The following DSG2 variants were observed in gnomAD, a reference collection of about 807,000 sequenced individuals.
DSG2 encodes desmoglein-2.
DSG2 carries 45 observed loss-of-function variants against 75.6 expected under a neutral mutation model. That is an observed-to-expected ratio of 0.60 (90% CI 0.47 to 0.76). DSG2 has a LOEUF of 0.76. DSG2 is among the 30% of genes least tolerant of loss of function. The probability of loss-of-function intolerance (pLI) is 0.00; values close to 1 mark genes in which losing one functional copy is unlikely to be tolerated. For missense variants in DSG2, 1,267 were observed against 1,357.4 expected, an observed-to-expected ratio of 0.93 and a Z score of 1.05; for synonymous variants, 429 against 483.9, an observed-to-expected ratio of 0.89 and a Z score of 1.49.
chr18:31,538,475 G>A (rs927450147), intron 11 of DSG2, among the ~76,000 whole-genome samples: 2 of 152,134 alleles, frequency 1.3e-5, no homozygotes, highest in Non-Finnish European at 2.9e-5. Context: ...TATTCCCAGT[G>A]TATAGAACAG....
rs1252426323 is a variant in DSG2, at chr18:31,546,371, TG to T, written c.2990del (p.Gly997ValfsTer20). On this transcript the variant is annotated frameshift_variant, in exon 15 of 15. Coordinates refer to ENST00000261590, the MANE Select transcript of DSG2 (RefSeq NM_001943.5). LOFTEE classifies it low-confidence loss of function (END_TRUNC). Reference protein sequence around the residue: ...VVTERVIQPHGGGSNPLEGTQ... With the variant: ...VVTERVIQPHXGGSNPLEGTQ... ...TCACTGAAAGAGTAATACAGCCTCA[TG>T]GGGGTGGATCGAATCCTCTGGAAGG... 1.2e-6 allele frequency: 2 copies of T among 1,614,030 alleles called. No individual in the cohort carries two copies. Among genetic ancestry groups the T allele is most frequent in the Non-Finnish European group, 1.7e-6 (2 of 1,179,956 alleles).
intron 9 of DSG2, among the ~76,000 whole-genome samples, chr18:31,532,567 G>T (rs1445945704): frequency 6.6e-6 from 1 of 152,068 alleles, no homozygotes; most frequent in Non-Finnish European, 1.5e-5. Context: ...TTAGTGAATC[G>T]CCTTTTCATG....
At chr18:31,542,956 T>C (rs2073279650) in intron 14 of DSG2, 104 bp downstream of exon 14, 2 of 919,766 alleles carry the variant, frequency 2.2e-6, no homozygotes, top group Non-Finnish European at 3.0e-6. Flanking sequence ...AATGAGACTT[T>C]GGGTTTTTTT....
rs760564415 is a variant in DSG2 at position 31,536,387 on chromosome 18, C to G, written c.1609C>G (p.Pro537Ala). Residue 537 changes from proline (P) to alanine (A), a missense_variant, in exon 11 of 15, where the codon CCA becomes GCA. Pro to Ala is a conservative substitution (Grantham distance 27). Coordinates refer to ENST00000261590, the MANE Select transcript of DSG2 (RefSeq NM_001943.5). ...GPFSFSVIDK[P>A]PGMAEKWKIA... Reference sequence around the variant, plus strand: ...TTTCAGTTTCTCCGTCATTGACAAACCACCTGGCATGGCAGAAAAATGGAA... The same window carrying G: ...TTTCAGTTTCTCCGTCATTGACAAAGCACCTGGCATGGCAGAAAAATGGAA... 1.2e-6 allele frequency: 2 copies of G among 1,614,134 alleles called. No individual in the cohort carries two copies. Among genetic ancestry groups the G allele is most frequent in the Non-Finnish European group, 1.7e-6 (2 of 1,180,036 alleles).
intron 1 of DSG2, among the ~76,000 whole-genome samples, chr18:31,509,385 TAAAGTTCAAATTCAGAGTTCAAAAATTA>T (rs2073055097): frequency 6.6e-6 from 1 of 152,050 alleles, no homozygotes; most frequent in African/African-American, 2.4e-5. Flanking sequence ...TATTATTATC[TAAAGTTCAAATTCAGAGTTCAAAAATTA>T]AAAGTTCAAA....
intron 9 of DSG2, among the ~76,000 whole-genome samples, chr18:31,533,703 G>C (rs1438278741): frequency 6.6e-6 from 1 of 152,138 alleles, no homozygotes; most frequent in African/African-American, 2.4e-5. Flanking sequence ...TAAAATTTCA[G>C]ACATGAAATT....
intron 10 of DSG2, 28 bp downstream of exon 10, chr18:31,535,440 G>A (rs2073223914): frequency 1.3e-6 from 2 of 1,538,712 alleles, no homozygotes; most frequent in African/African-American, 1.4e-5. Flanking sequence ...TCTTTTTCTT[G>A]ATTATATGTA....
intron 12 of DSG2, 137 bp from the exon 13 acceptor site, chr18:31,541,056 T>G: frequency 8.9e-7 from 1 of 1,120,332 alleles, no homozygotes; most frequent in South Asian, 1.3e-5. Flanking sequence ...TGGATCAGGG[T>G]GAAGAAAAGA....
rs1370553229 is a variant in DSG2 at position 31,524,776 on chromosome 18, T to C, written c.902T>C (p.Ile301Thr). The C allele has an allele frequency of 5.0e-6, 8 of 1,614,012 alleles. No individual in the cohort carries two copies. The highest frequency in any genetic ancestry group is 1.6e-4 in the Middle Eastern group (1 of 6,084). Residue 301 changes from isoleucine to threonine, a missense_variant, in exon 8 of 15, where the codon ATA becomes ACA. Coordinates refer to ENST00000261590, the MANE Select transcript of DSG2 (RefSeq NM_001943.5). ...ATAAAAGTGTTCGATGCAGATGAAATAGGTTCTGATAATTGGCTGGCAAAT... is the reference window on the plus strand; with the variant it reads ...ATAAAAGTGTTCGATGCAGATGAAACAGGTTCTGATAATTGGCTGGCAAAT... ...TRIKVFDADE[I>T]GSDNWLANFT...
At position 31,519,802 on chromosome 18, in the gene DSG2, G is replaced by A. The variant is rs746353565; in HGVS notation, c.82-1G>A. The A allele has an allele frequency of 1.2e-6, 2 of 1,613,854 alleles. No homozygotes were observed. The highest frequency in any genetic ancestry group is 2.7e-5 in the African/African-American group (2 of 74,884). Reference sequence around the variant, plus strand: ...ATTTTGGCAATATTCTATTGTTATAGGTCTTAAGCACAAGAAATGAAAATA... The same window carrying A: ...ATTTTGGCAATATTCTATTGTTATAAGTCTTAAGCACAAGAAATGAAAATA... On this transcript the variant is annotated splice_acceptor_variant, in intron 2 of 14. Transcript: ENST00000261590. LOFTEE classifies it high-confidence loss of function.
In DSG2 at chr18:31,546,958, A is replaced by ATC. The variant is rs1170831288; in HGVS notation, c.*216_*217insCT. On this transcript the variant is annotated 3_prime_UTR_variant, in exon 15 of 15. Transcript: ENST00000261590. ...TCCACAATTTACTGAAGACATAGAG[A>ATC]TGATGCTGCTGCTTAGGTGCCTTTT... 1 of 633,410 alleles carries ATC rather than the reference A, an allele frequency of 1.6e-6. No homozygotes were observed. The highest frequency in any genetic ancestry group is 2.8e-6 in the Non-Finnish European group (1 of 354,292). 39.2% of individuals were successfully genotyped at this position (633,410 alleles called of 1,614,324 possible). A position where few individuals can be genotyped will look rare whatever the true frequency, so the allele number is the denominator to read the frequency against.
intron 9 of DSG2, among the ~76,000 whole-genome samples, chr18:31,534,007 T>TTTTTTTTTTC (rs1567929856): frequency 6.6e-6 from 1 of 150,394 alleles, no homozygotes; most frequent in African/African-American, 2.4e-5. Context: ...TTTTTTTTTT[T>TTTTTTTTTTC]TGAGACTGAG....
intron 1 of DSG2, among the ~76,000 whole-genome samples, chr18:31,515,467 G>A (rs2073089549): frequency 6.6e-6 from 1 of 152,094 alleles, no homozygotes; most frequent in South Asian, 2.1e-4. Flanking sequence ...CTCTGATCCA[G>A]GCACTGATCT....
At chr18:31,531,822 G>A (rs1379263432) in intron 9 of DSG2, among the ~76,000 whole-genome samples, 1 of 152,214 alleles carries the variant, frequency 6.6e-6, no homozygotes, top group Non-Finnish European at 1.5e-5. Flanking sequence ...TGCTCACTGT[G>A]TTGGAAGAAA....
chr18:31,515,918 A>G (rs559841135), intron 1 of DSG2, among the ~76,000 whole-genome samples: 3 of 152,262 alleles, frequency 2.0e-5, no homozygotes, highest in Non-Finnish European at 4.4e-5. Context: ...CTTGTTTCCC[A>G]TGATGTACCA....
At chr18:31,538,006 G>A (rs1385703275) in intron 11 of DSG2, among the ~76,000 whole-genome samples, 2 of 151,780 alleles carry the variant, frequency 1.3e-5, no homozygotes, top group East Asian at 3.9e-4. Flanking sequence ...AAAATAAGAA[G>A]AAGAAGAAGA....
At position 31,522,132 on chromosome 18, in the gene DSG2, C is replaced by G. The variant is rs769514389; in HGVS notation, c.573C>G (p.Thr191=). The G allele has an allele frequency of 1.2e-6, 2 of 1,613,816 alleles. No homozygotes were observed. The highest frequency in any genetic ancestry group is 1.7e-5 in the Admixed American group (1 of 60,010). Residue 191 remains threonine, a synonymous_variant, in exon 6 of 15, where the codon ACC becomes ACG. Coordinates refer to ENST00000261590, the MANE Select transcript of DSG2 (RefSeq NM_001943.5). ...CAACAGATGCAGATGAGCCCAATAC[C>G]CTGAATTCGAAAATTTCCTATAGAA... is the stretch of plus-strand genomic sequence containing the variant. The part of the protein sequence containing the change: ...INATDADEPN[T]LNSKISYRIV...
intron 8 of DSG2, 117 bp from the exon 9 acceptor site, chr18:31,530,870 A>G (rs1457324712): frequency 2.5e-5 from 26 of 1,019,934 alleles, no homozygotes; most frequent in Admixed American, 6.3e-5. Context: ...CAGTGCTGCT[A>G]TATTTCCTGT....
chr18:31,501,706 C>T (rs1465358059), intron 1 of DSG2, among the ~76,000 whole-genome samples: 2 of 152,198 alleles, frequency 1.3e-5, no homozygotes, highest in Admixed American at 1.3e-4. Flanking sequence ...CAAATTTCCC[C>T]ATTTTATAAG....
Sources: allele counts gnomAD v4.1 joint callset (sites outside exome capture counted in the v4.1 genomes callset), GRCh38; gene constraint gnomAD v4.1.1; transcripts MANE v1.5; gene names NCBI Gene and HGNC (gene_info 2026-07-23, HGNC 2026-07-21).